ERGIC2: variants seen among roughly 807,000 people sequenced by gnomAD.
The protein encoded by ERGIC2 is endoplasmic reticulum-Golgi intermediate compartment protein 2.
ERGIC2 carries 31 observed loss-of-function variants against 52.5 expected under a neutral mutation model. The ratio of observed to expected loss-of-function variants is 0.59; its 90% CI spans 0.44 to 0.80. The LOEUF (loss-of-function observed/expected upper bound fraction) is 0.80. Among genes scored for constraint, ERGIC2 ranks in the 30% least tolerant of loss-of-function variants. The pLI, the probability that ERGIC2 is intolerant of heterozygous loss-of-function variation, is 0.00. For synonymous variants in ERGIC2, 129 were observed against 140.6 expected (o/e 0.92, Z 0.58); for missense variants, 395 against 455.2 (o/e 0.87, Z 1.20).
intron 8 of ERGIC2, among the ~76,000 whole-genome samples, chr12:29,351,800 G>A (rs374059006): frequency 4.5e-4 from 69 of 152,108 alleles, no homozygotes; most frequent in East Asian, 3.9e-3. Context: ...TCATTTTCAC[G>A]TTTTATGATA....
rs550033444 is a variant in ERGIC2, at chr12:29,375,845, C to A, written c.-37-4175G>T. On this transcript the variant is annotated intron_variant, in intron 1 of 13. Transcript: ENST00000360150. ...CTCGCCCCTCAGCTACTCCACCAGTCCCATTCCTGAAAGCTCAGCACTAAC... is the reference window on the plus strand; with the variant it reads ...CTCGCCCCTCAGCTACTCCACCAGTACCATTCCTGAAAGCTCAGCACTAAC... Among the ~76,000 whole-genome samples the A allele has an allele frequency of 3.3e-5, 5 of 152,302 alleles. No homozygotes were observed. In the South Asian group the frequency reaches 1.0e-3, roughly 32 times the overall value.
intron 3 of ERGIC2, among the ~76,000 whole-genome samples, chr12:29,369,378 T>C (rs1591998692): frequency 6.6e-6 from 1 of 151,954 alleles, no homozygotes; most frequent in African/African-American, 2.4e-5. Flanking sequence ...TGGTGTGACC[T>C]GCCCAAGGTT....
intron 8 of ERGIC2, among the ~76,000 whole-genome samples, chr12:29,354,762 A>AG (rs1446778844): frequency 1.3e-5 from 2 of 152,200 alleles, no homozygotes; most frequent in Non-Finnish European, 2.9e-5. Flanking sequence ...AATTTTAAAA[A>AG]GGGACATAAT....
In ERGIC2 at chr12:29,371,628, C is replaced by T. The variant is rs769661533; in HGVS notation, c.6G>A (p.Arg2=). The T allele has an allele frequency of 1.9e-6, 3 of 1,611,718 alleles. No homozygotes were observed. The highest frequency in any genetic ancestry group is 1.7e-6 in the Non-Finnish European group (2 of 1,178,396). ...TTAAAGTTTTTTTCCGATTCAGTCGCCTCATCTTCAGGAAAACCTTCCTCT... is the reference window on the plus strand; with the variant it reads ...TTAAAGTTTTTTTCCGATTCAGTCGTCTCATCTTCAGGAAAACCTTCCTCT... The part of the protein sequence containing the change: M[R]RLNRKKTLSL... The change falls in exon 2 of 14, where the codon AGG becomes AGA. Residue 2 remains arginine, a synonymous_variant. Transcript: ENST00000360150.
At chr12:29,372,547 CGAG>C (rs1244244973) in intron 1 of ERGIC2, 7 of 152,006 alleles carry the variant, frequency 4.6e-5, no homozygotes, top group South Asian at 2.1e-4. Flanking sequence ...AATTTGATTA[CGAG>C]GATATTTCTC....
In ERGIC2 at chr12:29,337,480, A is replaced by C. The variant is rs529558283; in HGVS notation, c.*3676T>G. On this transcript the variant is annotated 3_prime_UTR_variant, in exon 14 of 14. Coordinates refer to ENST00000360150, the MANE Select transcript of ERGIC2 (RefSeq NM_016570.3). ...CTCCTCTTAAATGTAAAGTGATTTC[A>C]TCAGTAATATTTCAGAAAGTAGAAA... 10 of 152,272 alleles carry C rather than the reference A, an allele frequency of 6.6e-5. No homozygotes were observed. The highest frequency in any genetic ancestry group is 2.4e-4 in the African/African-American group (10 of 41,560). 9.4% of individuals were successfully genotyped at this position (152,272 alleles called of 1,614,324 possible).
chr12:29,349,118 T>C lies in ERGIC2; in HGVS notation c.688A>G (p.Ile230Val), dbSNP rs766295181. ...TTTTCAGTTCCATCTAAAGGATTAA[T>C]AATTGCTGGAACAAGCTCTCCAAAA... ...LSFGELVPAI[I>V]NPLDGTEKIA... The change falls in exon 10 of 14, where the codon ATT becomes GTT. Residue 230 changes from isoleucine (I) to valine (V), a missense_variant. Ile to Val is a conservative substitution (Grantham distance 29). Transcript: ENST00000360150. The C allele has an allele frequency of 5.9e-5, 93 of 1,582,458 alleles. No homozygotes were observed. In the South Asian group the frequency reaches 9.3e-4, roughly 16 times the overall value.
At chr12:29,370,271 A>G in intron 2 of ERGIC2, 49 bp from the exon 3 acceptor site, 3 of 1,485,230 alleles carry the variant, frequency 2.0e-6, no homozygotes, top group Non-Finnish European at 2.7e-6. Context: ...CAATAAAAAA[A>G]GCAAAGAATA....
chr12:29,338,399 A>G lies in ERGIC2; in HGVS notation c.*2757T>C, dbSNP rs1205800770. On this transcript the variant is annotated 3_prime_UTR_variant, in exon 14 of 14. Transcript: ENST00000360150. ...GTGGCTCGTGCCTATAATTCCAGCAATGCAGGAGACTAAGGTGGGAGGATT... is the reference window on the plus strand; with the variant it reads ...GTGGCTCGTGCCTATAATTCCAGCAGTGCAGGAGACTAAGGTGGGAGGATT... The G allele has an allele frequency of 6.6e-6, 1 of 152,154 alleles. No homozygotes were observed. The highest frequency in any genetic ancestry group is 1.5e-5 in the Non-Finnish European group (1 of 68,040). The allele number at this position is 152,154 out of a possible 1,614,324, so 9.4% of individuals were successfully genotyped here.
chr12:29,351,942 C>A (rs574818283), intron 8 of ERGIC2, among the ~76,000 whole-genome samples: 101 of 152,270 alleles, frequency 6.6e-4, no homozygotes, highest in Admixed American at 6.3e-3. Context: ...CTTTTTAGCA[C>A]AATTAAATAG....
chr12:29,354,785 TATA>T (rs1940179595), intron 8 of ERGIC2, among the ~76,000 whole-genome samples: 4 of 152,158 alleles, frequency 2.6e-5, no homozygotes, highest in Admixed American at 6.5e-5. Flanking sequence ...AGAGTCTGAT[TATA>T]ATATTTGTCA....
intron 7 of ERGIC2, 97 bp from the exon 8 acceptor site, chr12:29,356,574 T>C (rs1940208883): frequency 3.3e-6 from 2 of 607,368 alleles, no homozygotes; most frequent in Admixed American, 2.7e-5. Context: ...CTAAAGATCA[T>C]TTTTTAGGTA....
intron 1 of ERGIC2, among the ~76,000 whole-genome samples, chr12:29,377,310 G>C (rs1007148662): frequency 6.6e-6 from 1 of 152,182 alleles, no homozygotes; most frequent in Non-Finnish European, 1.5e-5. Flanking sequence ...AGACAAGACA[G>C]TTGTCCCTCA....
intron 2 of ERGIC2, among the ~76,000 whole-genome samples, chr12:29,370,854 G>T (rs977357239): frequency 5.9e-5 from 9 of 151,860 alleles, no homozygotes; most frequent in Non-Finnish European, 1.3e-4. Flanking sequence ...CTGACAAAAA[G>T]AAAATCTATT....
intron 5 of ERGIC2, among the ~76,000 whole-genome samples, chr12:29,366,112 T>C (rs1382101018): frequency 6.6e-6 from 1 of 151,942 alleles, no homozygotes; most frequent in Non-Finnish European, 1.5e-5. Flanking sequence ...AAAAGAAAGG[T>C]TCACAATTGT....
chr12:29,346,048 T>C (rs1940047211), intron 10 of ERGIC2, among the ~76,000 whole-genome samples: 1 of 151,944 alleles, frequency 6.6e-6, no homozygotes, highest in Admixed American at 6.6e-5. Context: ...AAGCAACATA[T>C]TTATACTCGG....
At position 29,338,833 on chromosome 12, in the gene ERGIC2, T is replaced by G. The variant is rs1012640569; in HGVS notation, c.*2323A>C. The stretch of plus-strand genomic sequence containing the variant: ...TAATTTGAGATCTCATTTTTAAATA[T>G]GTAGTCTGGAATATAAACATATAGA... On this transcript the variant is annotated 3_prime_UTR_variant, in exon 14 of 14. Coordinates refer to ENST00000360150, the MANE Select transcript of ERGIC2 (RefSeq NM_016570.3). The G allele has an allele frequency of 1.3e-5, 2 of 152,162 alleles. No homozygotes were observed. The highest frequency in any genetic ancestry group is 2.9e-5 in the Non-Finnish European group (2 of 68,026). The allele number at this position is 152,162 out of a possible 1,614,324, so 9.4% of individuals were successfully genotyped here.
chr12:29,339,735 T>C lies in ERGIC2; in HGVS notation c.*1421A>G, dbSNP rs1384606516. Reference sequence around the variant, plus strand: ...TTTCTCCTTCTCTCCATTATATTGTTTATCCTGTTTTCATAAATTTATCTT... The same window carrying C: ...TTTCTCCTTCTCTCCATTATATTGTCTATCCTGTTTTCATAAATTTATCTT... On this transcript the variant is annotated 3_prime_UTR_variant, in exon 14 of 14. Transcript: ENST00000360150. 1 of 152,174 alleles carries C rather than the reference T, an allele frequency of 6.6e-6. No homozygotes were observed. Among genetic ancestry groups the C allele is most frequent in the Admixed American group, 6.5e-5 (1 of 15,272 alleles). 9.4% of individuals were successfully genotyped at this position (152,174 alleles called of 1,614,324 possible). A position where few individuals can be genotyped will look rare whatever the true frequency, so the allele number is the denominator to read the frequency against.
At chr12:29,355,501 A>G (rs924935574) in intron 8 of ERGIC2, among the ~76,000 whole-genome samples, 4 of 152,194 alleles carry the variant, frequency 2.6e-5, no homozygotes, top group Non-Finnish European at 5.9e-5. Context: ...TCTATATGGA[A>G]AAGAAGGGAG....
Sources: gnomAD v4.1 joint callset for allele counts (sites outside exome capture counted in the v4.1 genomes callset) on GRCh38, gnomAD v4.1.1 for gene constraint, MANE v1.5 for transcripts, NCBI Gene and HGNC (gene_info 2026-07-23, HGNC 2026-07-21) for gene names.